CDC5L: variants seen among roughly 807,000 people sequenced by gnomAD.
The protein encoded by CDC5L is cell division cycle 5-like protein.
CDC5L carries 18 observed loss-of-function variants against 104.1 expected under a neutral mutation model. The observed-to-expected ratio is 0.17, with a 90% CI of 0.12 to 0.26. The LOEUF (loss-of-function observed/expected upper bound fraction) is 0.26. CDC5L is among the 10% of genes least tolerant of loss of function. The probability of loss-of-function intolerance (pLI) is 1.00; values close to 1 mark genes in which losing one functional copy is unlikely to be tolerated. For synonymous variants in CDC5L, 331 were observed against 322.7 expected (o/e 1.03, Z -0.28); for missense variants, 673 against 956.9 (o/e 0.70, Z 3.91).
chr6:44,396,213 A>G (rs2153375211), intron 4 of CDC5L, 128 bp from the exon 5 acceptor site: 2 of 539,214 alleles, frequency 3.7e-6, no homozygotes, highest in Admixed American at 7.9e-5. Context: ...CCATTATGCT[A>G]CACCATAAAA....
intron 4 of CDC5L, 93 bp downstream of exon 4, chr6:44,393,666 G>T (rs1372854743): frequency 7.7e-7 from 1 of 1,293,204 alleles, no homozygotes; most frequent in African/African-American, 1.5e-5. Flanking sequence ...CTCTACTTTA[G>T]AATCCCTTTT....
rs1439185359 is a variant in CDC5L at position 44,387,977 on chromosome 6, G to C, written c.45+109G>C. ...GAGGAGACCCTGTGGGGTCTGCGTG[G>C]AGGGCAGCCCGGGGGCTGACCCTTG... On this transcript the variant is annotated intron_variant, in intron 1 of 15. Coordinates refer to ENST00000371477, the MANE Select transcript of CDC5L (RefSeq NM_001253.4). 2.9e-6 allele frequency: 3 copies of C among 1,019,452 alleles called. No homozygotes were observed. In the African/African-American group the frequency reaches 4.9e-5, roughly 17 times the overall value. The allele number at this position is 1,019,452 out of a possible 1,614,324, so 63.2% of individuals were successfully genotyped here.
chr6:44,400,474 A>G (rs1157673964), intron 5 of CDC5L, among the ~76,000 whole-genome samples: 1 of 152,008 alleles, frequency 6.6e-6, no homozygotes, highest in African/African-American at 2.4e-5. Flanking sequence ...TGCAACTTCT[A>G]CCTCCTGGGT....
rs762489071 is a variant in CDC5L at position 44,387,787 on chromosome 6, T to G, written c.-37T>G. Reference sequence around the variant, plus strand: ...ATCGCTGTTACTACTTCTCTGAAGCTCCTCTCGGCTGCTTGCCGAGACACC... The same window carrying G: ...ATCGCTGTTACTACTTCTCTGAAGCGCCTCTCGGCTGCTTGCCGAGACACC... On this transcript the variant is annotated 5_prime_UTR_variant, in exon 1 of 16. Transcript: ENST00000371477. 142 of 1,543,716 alleles carry G rather than the reference T, an allele frequency of 9.2e-5. No individual in the cohort carries two copies. Among genetic ancestry groups the G allele is most frequent in the South Asian group, 1.7e-4 (14 of 83,970 alleles).
chr6:44,416,477 A>G (rs1274637252), intron 8 of CDC5L, among the ~76,000 whole-genome samples: 1 of 152,180 alleles, frequency 6.6e-6, no homozygotes, highest in African/African-American at 2.4e-5. Context: ...CTCCTCTGCA[A>G]GTCTGTCACT....
intron 8 of CDC5L, among the ~76,000 whole-genome samples, chr6:44,411,304 T>C (rs1791611604): frequency 6.6e-6 from 1 of 152,024 alleles, no homozygotes; most frequent in Non-Finnish European, 1.5e-5. Context: ...GGAGAGTTCT[T>C]GATGTCAGTG....
intron 10 of CDC5L, among the ~76,000 whole-genome samples, chr6:44,424,067 G>C (rs1040036549): frequency 7.2e-5 from 11 of 151,896 alleles, no homozygotes; most frequent in African/African-American, 2.7e-4. Flanking sequence ...TCTGAAGTCA[G>C]GATTATTTTT....
intron 15 of CDC5L, among the ~76,000 whole-genome samples, 177 bp downstream of exon 15, chr6:44,446,044 G>C (rs1356381803): frequency 6.6e-6 from 1 of 151,266 alleles, no homozygotes; most frequent in Non-Finnish European, 1.5e-5. Flanking sequence ...TAGATGGATA[G>C]ACCAGGCAAG....
intron 14 of CDC5L, among the ~76,000 whole-genome samples, chr6:44,439,876 A>C (rs1469766195): frequency 1.3e-5 from 2 of 152,192 alleles, no homozygotes; most frequent in African/African-American, 2.4e-5. Flanking sequence ...AATAACTTGC[A>C]TCAGCTCAAA....
intron 5 of CDC5L, among the ~76,000 whole-genome samples, chr6:44,399,245 G>C (rs1791008780): frequency 6.6e-6 from 1 of 152,178 alleles, no homozygotes; most frequent in Non-Finnish European, 1.5e-5. Flanking sequence ...GAGCCACTGT[G>C]ACTGGCCTGT....
chr6:44,403,140 AT>A (rs887427486), intron 5 of CDC5L, among the ~76,000 whole-genome samples: 5 of 152,122 alleles, frequency 3.3e-5, no homozygotes, highest in Non-Finnish European at 5.9e-5. Context: ...CAGACTGTCC[AT>A]TTTTTGCAGC....
chr6:44,388,443 A>G (rs1261760975), intron 1 of CDC5L, among the ~76,000 whole-genome samples: 1 of 152,060 alleles, frequency 6.6e-6, no homozygotes, highest in East Asian at 1.9e-4. Context: ...TCTTTCTGTC[A>G]CTGCCTTTGC....
At chr6:44,391,812 C>T (rs1363723743) in intron 2 of CDC5L, among the ~76,000 whole-genome samples, 1 of 151,800 alleles carries the variant, frequency 6.6e-6, no homozygotes, top group Non-Finnish European at 1.5e-5. Flanking sequence ...TTGAGACCAG[C>T]CTGGCCAACA....
intron 2 of CDC5L, among the ~76,000 whole-genome samples, chr6:44,391,380 C>G (rs1322633134): frequency 6.6e-6 from 1 of 151,934 alleles, no homozygotes; most frequent in African/African-American, 2.4e-5. Context: ...TCCTGAGTAG[C>G]TGGGACTACA....
chr6:44,401,802 C>T (rs960763956), intron 5 of CDC5L, among the ~76,000 whole-genome samples: 1 of 151,278 alleles, frequency 6.6e-6, no homozygotes, highest in African/African-American at 2.4e-5. Context: ...TATCCCTCCC[C>T]TCTCCCCCCA....
intron 13 of CDC5L, among the ~76,000 whole-genome samples, chr6:44,427,794 T>C (rs952291186): frequency 3.9e-5 from 6 of 152,290 alleles, no homozygotes; most frequent in African/African-American, 1.4e-4. Flanking sequence ...ACTTGCACAG[T>C]TTCCTCTTTT....
intron 8 of CDC5L, among the ~76,000 whole-genome samples, chr6:44,410,437 T>G (rs1489854774): frequency 3.3e-5 from 5 of 152,252 alleles, no homozygotes; most frequent in Non-Finnish European, 7.3e-5. Context: ...ATGTATCACA[T>G]ATTTTTAAAT....
intron 2 of CDC5L, among the ~76,000 whole-genome samples, chr6:44,392,398 TGATA>T (rs1790663098): frequency 6.6e-6 from 1 of 152,158 alleles, no homozygotes; most frequent in Non-Finnish European, 1.5e-5. Context: ...AATAAAAACA[TGATA>T]GATGAGAAAG....
intron 5 of CDC5L, among the ~76,000 whole-genome samples, chr6:44,400,884 C>A (rs551107957): frequency 1.3e-5 from 2 of 152,298 alleles, no homozygotes; most frequent in East Asian, 3.9e-4. Flanking sequence ...GCATAAGTTG[C>A]ACTACAAAGT....
Sources: allele counts gnomAD v4.1 joint callset (sites outside exome capture counted in the v4.1 genomes callset), GRCh38; gene constraint gnomAD v4.1.1; transcripts MANE v1.5; gene names NCBI Gene and HGNC (gene_info 2026-07-23, HGNC 2026-07-21).